CTNND2: variants seen among roughly 807,000 people sequenced by gnomAD.
The protein encoded by CTNND2 is catenin delta-2.
In CTNND2, 22 loss-of-function variants were observed where a neutral mutation model predicts 144.4. The observed-to-expected ratio is 0.15, with a 90% CI of 0.11 to 0.22. The LOEUF is 0.22. CTNND2 is among the 10% of genes least tolerant of loss of function. The pLI is 1.00. For missense variants in CTNND2, 1,353 were observed against 1,618.8 expected, an observed-to-expected ratio of 0.84 and a Z score of 2.82; for synonymous variants, 751 against 695.6, an observed-to-expected ratio of 1.08 and a Z score of -1.25.
chr5:11,590,294 T>C (rs1779149652), intron 2 of CTNND2, among the ~76,000 whole-genome samples: 2 of 152,068 alleles, frequency 1.3e-5, no homozygotes, highest in African/African-American at 4.8e-5. Context: ...CCGCCTGCCT[T>C]GGCCTCCCGA....
intron 2 of CTNND2, among the ~76,000 whole-genome samples, chr5:11,568,638 A>G (rs1425846712): frequency 6.6e-6 from 1 of 152,252 alleles, no homozygotes; most frequent in East Asian, 1.9e-4. Flanking sequence ...GCCCAAAGGC[A>G]TCTAGAGAAG....
intron 2 of CTNND2, among the ~76,000 whole-genome samples, chr5:11,570,892 A>G (rs1777501426): frequency 6.6e-6 from 1 of 152,086 alleles, no homozygotes; most frequent in Non-Finnish European, 1.5e-5. Flanking sequence ...AGATGCTAAA[A>G]TCTAGTCCTC....
At chr5:11,862,372 C>T (rs905092788) in intron 1 of CTNND2, among the ~76,000 whole-genome samples, 2 of 152,120 alleles carry the variant, frequency 1.3e-5, no homozygotes, top group African/African-American at 2.4e-5. Context: ...AATTTTGGGA[C>T]GGTTCCCTCT....
intron 9 of CTNND2, among the ~76,000 whole-genome samples, chr5:11,240,303 CACACATACACCCA>C (rs1742140897): frequency 9.6e-6 from 1 of 103,880 alleles, no homozygotes; most frequent in Non-Finnish European, 2.0e-5. Flanking sequence ...ACACACCCAA[CACACATACACCCA>C]ACACACACAC....
chr5:11,345,936 A>G (rs1043284645), intron 9 of CTNND2, among the ~76,000 whole-genome samples: 1 of 152,164 alleles, frequency 6.6e-6, no homozygotes, highest in Non-Finnish European at 1.5e-5. Flanking sequence ...AAATTTCTAA[A>G]TTTTCAATTT....
chr5:11,754,848 G>A (rs1037332740), intron 1 of CTNND2, among the ~76,000 whole-genome samples: 18 of 151,530 alleles, frequency 1.2e-4, no homozygotes, highest in African/African-American at 4.1e-4. Context: ...TTCATTCCAT[G>A]TGGGGTAAGT....
At chr5:11,520,130 A>G (rs1772587839) in intron 3 of CTNND2, among the ~76,000 whole-genome samples, 2 of 150,406 alleles carry the variant, frequency 1.3e-5, no homozygotes, top group South Asian at 2.2e-4. Context: ...CTGGGCAACA[A>G]GAGTGAAACT....
intron 18 of CTNND2, among the ~76,000 whole-genome samples, chr5:11,015,025 T>A (rs1741464863): frequency 6.6e-6 from 1 of 152,232 alleles, no homozygotes; most frequent in Non-Finnish European, 1.5e-5. Flanking sequence ...ATATTTCATC[T>A]TTACCCCTAG....
At chr5:11,607,457 T>C (rs1043394768) in intron 2 of CTNND2, among the ~76,000 whole-genome samples, 3 of 152,170 alleles carry the variant, frequency 2.0e-5, no homozygotes, top group African/African-American at 7.2e-5. Context: ...TTAAAATGAT[T>C]ACAACAGTAA....
At position 11,007,401 on chromosome 5, in the gene CTNND2, G is replaced by C. The variant is rs576254451; in HGVS notation, c.3084+10573C>G. Among the ~76,000 whole-genome samples, 10 of 152,322 alleles carry C rather than the reference G, an allele frequency of 6.6e-5. No homozygotes were observed. The South Asian group carries it at 2.1e-3, about 32-fold the overall frequency. On this transcript the variant is annotated intron_variant, in intron 18 of 21. Coordinates refer to ENST00000304623, the MANE Select transcript of CTNND2 (RefSeq NM_001332.4). ...GAGGACGGCATGAACAGCTCTCTCA[G>C]AGCAGTTCATGGGAACTGTGAGTTC... is the stretch of plus-strand genomic sequence containing the variant.
intron 3 of CTNND2, 71 bp downstream of exon 3, chr5:11,564,870 AAAG>A: frequency 1.0e-6 from 1 of 998,998 alleles, no homozygotes; most frequent in South Asian, 1.5e-5. Flanking sequence ...ACCGGGTTGG[AAAG>A]AAGAGAAACA....
At chr5:11,239,794 T>A (rs1206121111) in intron 9 of CTNND2, among the ~76,000 whole-genome samples, 1 of 152,088 alleles carries the variant, frequency 6.6e-6, no homozygotes, top group Non-Finnish European at 1.5e-5. Flanking sequence ...CTTTACAACT[T>A]CCTCGGGGAA....
intron 1 of CTNND2, among the ~76,000 whole-genome samples, chr5:11,760,560 T>A (rs1355418288): frequency 6.6e-6 from 1 of 152,146 alleles, no homozygotes; most frequent in Non-Finnish European, 1.5e-5. Context: ...GATAAGGTAA[T>A]TGTAAAAGGC....
At chr5:11,886,669 T>A (rs1294264817) in intron 1 of CTNND2, among the ~76,000 whole-genome samples, 3 of 152,176 alleles carry the variant, frequency 2.0e-5, no homozygotes. Context: ...CCTAACTATG[T>A]GTACTTTCTA....
At chr5:11,038,390 C>T (rs1744314430) in intron 16 of CTNND2, among the ~76,000 whole-genome samples, 2 of 152,220 alleles carry the variant, frequency 1.3e-5, no homozygotes, top group Admixed American at 6.5e-5. Context: ...AGCTAGGTTG[C>T]ACACGCCTTA....
chr5:11,300,978 A>C (rs891111268), intron 9 of CTNND2, among the ~76,000 whole-genome samples: 8 of 152,068 alleles, frequency 5.3e-5, no homozygotes, highest in Admixed American at 4.6e-4. Context: ...TGAAACAAGA[A>C]CTGGTATCTC....
intron 2 of CTNND2, among the ~76,000 whole-genome samples, chr5:11,704,602 T>G (rs893180669): frequency 2.0e-5 from 3 of 152,070 alleles, no homozygotes; most frequent in African/African-American, 7.2e-5. Context: ...GAACGGACTG[T>G]GTTGGTCCTG....
intron 2 of CTNND2, among the ~76,000 whole-genome samples, chr5:11,689,768 T>C (rs1414010445): frequency 1.3e-5 from 2 of 152,216 alleles, no homozygotes; most frequent in Non-Finnish European, 2.9e-5. Flanking sequence ...ATCAATTACA[T>C]TGAATTACCT....
intron 3 of CTNND2, among the ~76,000 whole-genome samples, chr5:11,422,675 A>G (rs977288129): frequency 2.0e-5 from 3 of 152,212 alleles, no homozygotes; most frequent in African/African-American, 7.2e-5. Context: ...TTCCTTCAAA[A>G]TAAATATTCT....
Sources: allele counts gnomAD v4.1 joint callset (sites outside exome capture counted in the v4.1 genomes callset), GRCh38; gene constraint gnomAD v4.1.1; transcripts MANE v1.5; gene names NCBI Gene and HGNC (gene_info 2026-07-23, HGNC 2026-07-21).